Variants in FTSJ1 observed in about 807,000 individuals in gnomAD.
FTSJ1 encodes the protein tRNA (cytidine(32)/guanosine(34)-2'-O)-methyltransferase.
Under a neutral mutation model 28.5 loss-of-function variants are expected in FTSJ1, and 3 were observed. The ratio of observed to expected loss-of-function variants is 0.11; its 90% CI spans 0.05 to 0.27. The LOEUF (loss-of-function observed/expected upper bound fraction) is 0.27. Ranked by LOEUF, FTSJ1 falls within the 10% of genes least tolerant of loss-of-function variation. The pLI, the probability that FTSJ1 is intolerant of heterozygous loss-of-function variation, is 1.00. For missense variants in FTSJ1, 162 were observed against 279.0 expected (o/e 0.58, Z 2.99); for synonymous variants, 104 against 113.9 (o/e 0.91, Z 0.55).
At position 48,478,059 on chromosome X, in the gene FTSJ1, G is replaced by A. The variant is rs202148972; in HGVS notation, c.12G>A (p.Thr4=). The A allele has an allele frequency of 4.9e-5, 59 of 1,209,795 alleles. No individual in the cohort carries two copies. The highest frequency in any genetic ancestry group is 2.3e-4 in the Middle Eastern group (1 of 4,373). MGR[T]SKDKRDVYYR... ...AACTGGTGTGTGAAATGGGACGGAC[G>A]TCAAAGGACAAGCGGGATGTCTACT... Residue 4 remains threonine (T), a synonymous_variant, in exon 2 of 13, where the codon ACG becomes ACA. Transcript: ENST00000348411.
chrX:48,481,482 C>A lies in FTSJ1; in HGVS notation c.525C>A (p.Ser175=). The change falls in exon 8 of 13, where the codon TCC becomes TCA. Residue 175 remains serine (S), a synonymous_variant. Coordinates refer to ENST00000348411, the MANE Select transcript of FTSJ1 (RefSeq NM_012280.4). Reference sequence around the variant, plus strand: ...ACAGCCAGCTGCAGGTCTTCTTCTCCAGCGTGCTGTGTGCCAAGCCCAGGA... The same window carrying A: ...ACAGCCAGCTGCAGGTCTTCTTCTCAAGCGTGCTGTGTGCCAAGCCCAGGA... The part of the protein sequence containing the change: ...LLYSQLQVFF[S]SVLCAKPRSS... 8.3e-7 allele frequency: 1 copy of A among 1,211,967 alleles called. No individual in the cohort carries two copies. Among genetic ancestry groups the A allele is most frequent in the Non-Finnish European group, 1.1e-6 (1 of 895,315 alleles).
Position 48,482,778 on chromosome X carries a change from C to T in FTSJ1, c.941C>T (p.Thr314Ile), listed in dbSNP as rs1569474842. ...CCCCTGGCCGCCCCTCAGTGCCACA[C>T]CCTGCTGGCCCCTGAGGTCTGGAAA... ...PQPLAAPQCH[T>I]LLAPEMEDNE... Residue 314 changes from threonine to isoleucine, a missense_variant, in exon 11 of 13, where the codon ACC becomes ATC. Transcript: ENST00000348411. 1.7e-6 allele frequency: 2 copies of T among 1,207,169 alleles called. No homozygotes were observed. The highest frequency in any genetic ancestry group is 2.2e-6 in the Non-Finnish European group (2 of 892,562).
intron 5 of FTSJ1, among the ~76,000 whole-genome samples, chrX:48,480,563 ACTGTG>A (rs1432311099): frequency 9.2e-6 from 1 of 108,442 alleles, no homozygotes; most frequent in East Asian, 2.9e-4. Context: ...GGAGAAGAGG[ACTGTG>A]CTGGGCTTGG....
chrX:48,479,084 C>G lies in FTSJ1; in HGVS notation c.329C>G (p.Ala110Gly). ...ATCCAGCACTTTAAGGGCTGCCCTG[C>G]GGACCTAGTGGTGTGTGACGGGGCT... ...EIIQHFKGCP[A>G]DLVVCDGAPD... Residue 110 changes from alanine (A) to glycine (G), a missense_variant, in exon 5 of 13, where the codon GCG becomes GGG. Physicochemically the swap from Ala to Gly is moderately conservative, Grantham distance 60 (BLOSUM62 0). Transcript: ENST00000348411. 8.3e-7 allele frequency: 1 copy of G among 1,207,119 alleles called. No individual in the cohort carries two copies. Among genetic ancestry groups the G allele is most frequent in the Non-Finnish European group, 1.1e-6 (1 of 890,902 alleles).
intron 6 of FTSJ1, 26 bp from the exon 7 acceptor site, chrX:48,481,263 G>A (rs199778225): frequency 1.2e-5 from 15 of 1,206,908 alleles, no homozygotes; most frequent in Admixed American, 8.8e-5. Context: ...CTCCACCTCA[G>A]CCTCAGCCGT....
intron 7 of FTSJ1, 39 bp from the exon 8 acceptor site, chrX:48,481,387 G>A: frequency 8.4e-7 from 1 of 1,197,426 alleles, no homozygotes; most frequent in South Asian, 1.8e-5. Context: ...GTCGCTGAGG[G>A]CCACCCTCAC....
At chrX:48,482,084 A>T (rs1014913616) in intron 9 of FTSJ1, among the ~76,000 whole-genome samples, 1 of 112,109 alleles carries the variant, frequency 8.9e-6, no homozygotes, top group Non-Finnish European at 1.9e-5. Flanking sequence ...TTTGCCCCTT[A>T]AGCCTCTAGC....
At chrX:48,479,845 A>C (rs1397383433) in intron 5 of FTSJ1, among the ~76,000 whole-genome samples, 7 of 111,114 alleles carry the variant, frequency 6.3e-5, no homozygotes, top group Non-Finnish European at 9.4e-5. Flanking sequence ...CCTCTCTCTA[A>C]AAAAACGGGG....
rs1348558204 is a variant in FTSJ1 at position 48,476,279 on chromosome X, G to GC, written c.-198dup. 2.7e-5 allele frequency: 8 copies of GC among 297,341 alleles called. No individual in the cohort carries two copies. Among genetic ancestry groups the GC allele is most frequent in the African/African-American group, 1.1e-4 (4 of 37,047 alleles). The allele number at this position is 297,341 out of a possible 1,213,427, so 24.5% of individuals were successfully genotyped here. A position where few individuals can be genotyped will look rare whatever the true frequency, so the allele number is the denominator to read the frequency against. The stretch of plus-strand genomic sequence containing the variant: ...CCACGCTGCGACAGCCCATAGGCTT[G>GC]CCCCCCCGGGCATTCGGGTGGACTA... On this transcript the variant is annotated 5_prime_UTR_variant, in exon 1 of 13. Transcript: ENST00000348411.
intron 5 of FTSJ1, among the ~76,000 whole-genome samples, chrX:48,479,844 A>G (rs2061556911): frequency 9.0e-6 from 1 of 111,110 alleles, no homozygotes; most frequent in African/African-American, 3.3e-5. Flanking sequence ...CCCTCTCTCT[A>G]AAAAAACGGG....
chrX:48,476,448 C>T (rs2061532543), intron 1 of FTSJ1, 52 bp downstream of exon 1: 1 of 291,763 alleles, frequency 3.4e-6, no homozygotes, highest in African/African-American at 2.7e-5. Flanking sequence ...TATTGAGGCA[C>T]GCCTGCACTG....
In FTSJ1 at chrX:48,478,629, C is replaced by T. The variant is rs370849542; in HGVS notation, c.204C>T (p.Ser68=). Residue 68 remains serine, a synonymous_variant, in exon 4 of 13, where the codon TCC becomes TCT. Transcript: ENST00000348411. The part of the protein sequence containing the change: ...VLSQKIGGQG[S]GHVVAVDLQA... Reference sequence around the variant, plus strand: ...ATGTTGTCCACAGGGGCCAAGGGTCCGGCCACGTGGTGGCTGTGGACCTGC... The same window carrying T: ...ATGTTGTCCACAGGGGCCAAGGGTCTGGCCACGTGGTGGCTGTGGACCTGC... 41 of 1,205,983 alleles carry T rather than the reference C, an allele frequency of 3.4e-5. No individual in the cohort carries two copies. In the South Asian group the frequency reaches 4.3e-4, roughly 13 times the overall value.
chrX:48,482,836 G>A lies in FTSJ1; in HGVS notation c.957+42G>A, dbSNP rs372032094. On this transcript the variant is annotated intron_variant, in intron 11 of 12. Transcript: ENST00000348411. ...CTCAGCCTGCCTTGACCCCTTCCCC[G>A]TGTGCCTTTTTCTGACCCAAATCTC... 430 of 1,202,840 alleles carry A rather than the reference G, an allele frequency of 3.6e-4. 1 individual carries two copies. In the South Asian group the frequency reaches 6.8e-3, roughly 19 times the overall value.
intron 1 of FTSJ1, among the ~76,000 whole-genome samples, chrX:48,477,674 G>A (rs1556966737): frequency 9.0e-6 from 1 of 111,024 alleles, no homozygotes; most frequent in Non-Finnish European, 1.9e-5. Flanking sequence ...TTTAATGTGT[G>A]GAGTGTGGGT....
chrX:48,485,390 CAAT>C (rs1346429386), intron 12 of FTSJ1, among the ~76,000 whole-genome samples: 4 of 112,324 alleles, frequency 3.6e-5, no homozygotes, highest in African/African-American at 9.7e-5. Flanking sequence ...AACTGTACAA[CAAT>C]GACAGTGAAC....
intron 9 of FTSJ1, 47 bp from the exon 10 acceptor site, chrX:48,482,356 C>T (rs782120456): frequency 2.1e-5 from 19 of 911,466 alleles, no homozygotes; most frequent in Non-Finnish European, 2.9e-5. Flanking sequence ...CATGACTGGC[C>T]CCAGGCATCC....
intron 12 of FTSJ1, among the ~76,000 whole-genome samples, chrX:48,483,917 A>T (rs782062474): frequency 2.7e-5 from 3 of 111,505 alleles, no homozygotes; most frequent in Non-Finnish European, 5.6e-5. Context: ...TTCTGGGTAA[A>T]GGAAATAGGC....
In FTSJ1 at chrX:48,477,984, T is replaced by C. The variant is rs781958574; in HGVS notation, c.-64T>C. The C allele has an allele frequency of 8.5e-4, 1,026 of 1,207,014 alleles. No homozygotes were observed. Among genetic ancestry groups the C allele is most frequent in the Non-Finnish European group, 1.0e-3 (921 of 893,373 alleles). On this transcript the variant is annotated 5_prime_UTR_variant, in exon 2 of 13. Transcript: ENST00000348411. ...AGAGGTAGGTGGTAGCCCATTCATC[T>C]GGTTACTGATACTGGCCGGCATCAG...
chrX:48,483,848 G>A (rs782414399), intron 12 of FTSJ1, among the ~76,000 whole-genome samples: 14 of 110,665 alleles, frequency 1.3e-4, no homozygotes, highest in Non-Finnish European at 2.5e-4. Flanking sequence ...GGTAATGTTT[G>A]AGCAAAGACC....
Sources: allele counts gnomAD v4.1 joint callset (sites outside exome capture counted in the v4.1 genomes callset), GRCh38; gene constraint gnomAD v4.1.1; transcripts MANE v1.5; gene names NCBI Gene and HGNC (gene_info 2026-07-23, HGNC 2026-07-21).